GARIN5A: variants seen among roughly 807,000 people sequenced by gnomAD.
The protein encoded by GARIN5A is golgi associated RAB2 interactor 5A, also known as Golgi-associated RAB2 interactor protein 5A.
chr19:50,474,865 G>A, the GARIN5A span, among the ~76,000 whole-genome samples: 3 of 152,168 alleles, frequency 2.0e-5, no homozygotes, highest in Non-Finnish European at 4.4e-5. Flanking sequence ...AGAACCATGA[G>A]ATCCACAATC....
the GARIN5A span, among the ~76,000 whole-genome samples, chr19:50,471,493 T>C: frequency 2.6e-5 from 4 of 151,034 alleles, no homozygotes; most frequent in African/African-American, 7.3e-5. Context: ...GGTCTCAAAC[T>C]CCTGGCAATC....
chr19:50,472,238 G>GTATA, the GARIN5A span, among the ~76,000 whole-genome samples: 2,504 of 80,704 alleles, frequency 0.031, 89 homozygotes, highest in African/African-American at 0.12. Flanking sequence ...ACATGTATGT[G>GTATA]TGTATTATAT....
At chr19:50,472,216 G>GTA in the GARIN5A span, among the ~76,000 whole-genome samples, 149 of 129,266 alleles carry the variant, frequency 1.2e-3, 4 homozygotes, top group African/African-American at 3.9e-3. Flanking sequence ...ATACATGTGT[G>GTA]TATGTATATA....
the GARIN5A span, chr19:50,476,570 C>A: frequency 3.8e-5 from 60 of 1,574,922 alleles, no homozygotes; most frequent in Non-Finnish European, 5.0e-5. Context: ...GCTGGGGCAA[C>A]CCGGCTGCTC....
the GARIN5A span, chr19:50,475,197 C>G: frequency 7.3e-7 from 1 of 1,367,996 alleles, no homozygotes; most frequent in Non-Finnish European, 9.7e-7. Context: ...GATGGCAGCT[C>G]AGGGAGGGCC....
At chr19:50,475,918 C>G in the GARIN5A span, 1 of 1,613,710 alleles carries the variant, frequency 6.2e-7, no homozygotes, top group African/African-American at 1.3e-5. Context: ...CCGTCTGGGA[C>G]GGCCCGTGGG....
At chr19:50,474,531 G>A in the GARIN5A span, among the ~76,000 whole-genome samples, 50 of 152,208 alleles carry the variant, frequency 3.3e-4, no homozygotes, top group Non-Finnish European at 5.6e-4. Context: ...ATTTTTAGTA[G>A]AGACGGGGTT....
chr19:50,474,889 C>T, the GARIN5A span, among the ~76,000 whole-genome samples: 2 of 152,192 alleles, frequency 1.3e-5, no homozygotes, highest in African/African-American at 4.8e-5. Context: ...ACAAGCTTGG[C>T]ATTCCAATCC....
At chr19:50,475,036 C>T in the GARIN5A span, among the ~76,000 whole-genome samples, 9 of 152,136 alleles carry the variant, frequency 5.9e-5, no homozygotes, top group East Asian at 1.9e-4. Context: ...ATCGTATGCG[C>T]GGCCTAGGGG....
chr19:50,476,256 G>A, the GARIN5A span: 2 of 1,611,520 alleles, frequency 1.2e-6, no homozygotes, highest in African/African-American at 1.3e-5. Flanking sequence ...AAGCGAGGGG[G>A]CGGGACTACG....
chr19:50,467,558 C>T, the GARIN5A span: 61 of 1,530,194 alleles, frequency 4.0e-5, no homozygotes, highest in South Asian at 6.2e-4. Flanking sequence ...CTCCTCACCT[C>T]CTCCCACTCC....
the GARIN5A span, among the ~76,000 whole-genome samples, chr19:50,472,107 C>CGTGTGTATATGTATATATAT: frequency 8.0e-6 from 1 of 124,626 alleles, no homozygotes; most frequent in East Asian, 2.3e-4. Context: ...TGTATATATA[C>CGTGTGTATATGTATATATAT]GTGTGTATAT....
chr19:50,476,383 C>A, the GARIN5A span: 1 of 1,557,866 alleles, frequency 6.4e-7, no homozygotes. Context: ...AAAGGGGCGG[C>A]CCCATCCTGC....
At chr19:50,469,027 A>G in the GARIN5A span, among the ~76,000 whole-genome samples, 2 of 152,156 alleles carry the variant, frequency 1.3e-5, no homozygotes, top group African/African-American at 4.8e-5. Flanking sequence ...CAGAAGGCGC[A>G]GGTCAACACC....
chr19:50,471,962 GTATA>G, the GARIN5A span, among the ~76,000 whole-genome samples: 1 of 150,154 alleles, frequency 6.7e-6, no homozygotes, highest in African/African-American at 2.5e-5. Flanking sequence ...ATGTATGTAT[GTATA>G]TATACATGTA....
chr19:50,467,233 G>A, the GARIN5A span, among the ~76,000 whole-genome samples: 4 of 152,084 alleles, frequency 2.6e-5, no homozygotes, highest in African/African-American at 7.2e-5. Flanking sequence ...CACGGGGAGA[G>A]GGGCTGGGGC....
the GARIN5A span, among the ~76,000 whole-genome samples, chr19:50,470,520 A>C: frequency 6.6e-6 from 1 of 152,012 alleles, no homozygotes; most frequent in African/African-American, 2.4e-5. Flanking sequence ...TCTCAAAAAA[A>C]AAAAAGAGTC....
At chr19:50,476,054 C>G in the GARIN5A span, 1 of 1,607,020 alleles carries the variant, frequency 6.2e-7, no homozygotes, top group Non-Finnish European at 8.5e-7. Context: ...TATCAGATGC[C>G]CCCGAATTGC....
chr19:50,475,886 C>G, the GARIN5A span: 3 of 1,613,986 alleles, frequency 1.9e-6, no homozygotes, highest in Non-Finnish European at 2.5e-6. Context: ...TCGAATTCGC[C>G]GCTCTGGAGG....
Sources: allele counts gnomAD v4.1 joint callset (sites outside exome capture counted in the v4.1 genomes callset), GRCh38; gene constraint gnomAD v4.1.1; transcripts MANE v1.5; gene names NCBI Gene and HGNC (gene_info 2026-07-23, HGNC 2026-07-21).